The following CD276 variants were observed in gnomAD, a reference collection of about 807,000 sequenced individuals.
CD276 encodes the protein CD276 antigen.
In CD276, 34 loss-of-function variants were observed where a neutral mutation model predicts 50.0. The ratio of observed to expected loss-of-function variants is 0.68; its 90% CI spans 0.52 to 0.91. CD276 has a LOEUF of 0.91. Ranked by LOEUF, CD276 falls within the 40% of genes least tolerant of loss-of-function variation. The pLI, the probability that CD276 is intolerant of heterozygous loss-of-function variation, is 0.00. For missense variants in CD276, 634 were observed against 717.5 expected, an observed-to-expected ratio of 0.88 and a Z score of 1.33; for synonymous variants, 275 against 313.0, an observed-to-expected ratio of 0.88 and a Z score of 1.28.
chr15:73,711,111 G>C, intron 8 of CD276, 24 bp from the exon 9 acceptor site: 1 of 1,613,692 alleles, frequency 6.2e-7, no homozygotes, highest in Non-Finnish European at 8.5e-7. Context: ...CTCCCTCACC[G>C]TGTGCGCCTT....
intron 1 of CD276, chr15:73,686,310 A>G (rs1475680417): frequency 1.0e-6 from 1 of 984,920 alleles, no homozygotes; most frequent in East Asian, 1.1e-4. Context: ...AGAGGTAAGG[A>G]GCCTGTGTTA....
At chr15:73,696,178 G>C (rs1306942981) in intron 1 of CD276, among the ~76,000 whole-genome samples, 2 of 152,218 alleles carry the variant, frequency 1.3e-5, no homozygotes, top group Admixed American at 6.5e-5. Context: ...AGGACGAGGA[G>C]TGGGCACTGG....
chr15:73,698,916 T>G (rs1900271688), intron 1 of CD276, among the ~76,000 whole-genome samples: 1 of 152,210 alleles, frequency 6.6e-6, no homozygotes, highest in South Asian at 2.1e-4. Context: ...CAGTCTATGC[T>G]GAGGAGCTAG....
chr15:73,713,286 C>A lies in CD276; in HGVS notation c.*330C>A. The stretch of plus-strand genomic sequence containing the variant: ...CTGACCACATCACCACCCTCTTCTT[C>A]CAGTGCTGCGTGGACCATCTGGCTG... On this transcript the variant is annotated 3_prime_UTR_variant, in exon 10 of 10. Transcript: ENST00000318443. The A allele has an allele frequency of 2.9e-6, 1 of 347,714 alleles. No homozygotes were observed. Among genetic ancestry groups the A allele is most frequent in the African/African-American group, 2.2e-5 (1 of 46,254 alleles). The allele number at this position is 347,714 out of a possible 1,614,324, so 21.5% of individuals were successfully genotyped here.
rs1176817985 is a variant in CD276 at position 73,711,236 on chromosome 15, G to T, written c.1582+66G>T. 2.6e-6 allele frequency: 4 copies of T among 1,557,164 alleles called. No homozygotes were observed. In the South Asian group the frequency reaches 4.4e-5, roughly 17 times the overall value. On this transcript the variant is annotated intron_variant, in intron 9 of 9. Transcript: ENST00000318443. The stretch of plus-strand genomic sequence containing the variant: ...ACATCTGTGTGTGAGAGGCTGAGAG[G>T]GTGGGTAGGCATCATCCTTTCACTA...
chr15:73,701,075 T>A (rs1423762585), intron 2 of CD276, among the ~76,000 whole-genome samples: 1 of 151,178 alleles, frequency 6.6e-6, no homozygotes, highest in Non-Finnish European at 1.5e-5. Context: ...GGCTATTTTT[T>A]AGTAGAGGTG....
intron 6 of CD276, among the ~76,000 whole-genome samples, chr15:73,705,796 G>C (rs1352749907): frequency 6.6e-6 from 1 of 152,086 alleles, no homozygotes; most frequent in Non-Finnish European, 1.5e-5. Context: ...GAAGGATAAG[G>C]GGTCTTTGTG....
At chr15:73,696,258 C>A (rs960567876) in intron 1 of CD276, among the ~76,000 whole-genome samples, 3 of 151,964 alleles carry the variant, frequency 2.0e-5, no homozygotes, top group African/African-American at 7.2e-5. Flanking sequence ...TGAGATTCCC[C>A]TTTGTGGAAA....
intron 1 of CD276, among the ~76,000 whole-genome samples, chr15:73,689,452 A>G (rs1452909036): frequency 6.6e-6 from 1 of 152,040 alleles, no homozygotes; most frequent in Admixed American, 6.6e-5. Flanking sequence ...AAAAGGCCCA[A>G]ACTGACTCAG....
chr15:73,711,416 T>A, intron 9 of CD276: 1 of 522,812 alleles, frequency 1.9e-6, no homozygotes, highest in Non-Finnish European at 3.5e-6. Flanking sequence ...CCTGTGATAG[T>A]GTGAGCATAG....
intron 1 of CD276, among the ~76,000 whole-genome samples, chr15:73,694,370 A>T (rs1348526385): frequency 6.6e-6 from 1 of 152,058 alleles, no homozygotes; most frequent in Non-Finnish European, 1.5e-5. Flanking sequence ...CCTATTTTAG[A>T]TGTGGTTTCC....
Position 73,704,426 on chromosome 15 carries a change from C to T in CD276, c.1323C>T (p.Arg441=), listed in dbSNP as rs1900566681. The change falls in exon 6 of 10, where the codon CGC becomes CGT. Residue 441 remains arginine, a synonymous_variant. Coordinates refer to ENST00000318443, the MANE Select transcript of CD276 (RefSeq NM_001024736.2). The surrounding 1 kb of genome is among the most constrained non-coding windows in gnomAD (Gnocchi z 4.1). ...GANGTYSCLV[R]NPVLQQDAHG... ...ATGGCACCTACAGCTGCCTGGTGCG[C>T]AACCCCGTGCTGCAGCAGGATGCGC... 6.2e-7 allele frequency: 1 copy of T among 1,613,976 alleles called. No homozygotes were observed. The highest frequency in any genetic ancestry group is 8.5e-7 in the Non-Finnish European group (1 of 1,180,024).
chr15:73,709,745 G>A, intron 8 of CD276, 56 bp downstream of exon 8: 1 of 1,557,236 alleles, frequency 6.4e-7, no homozygotes. Context: ...TATGGGAAAG[G>A]AGAGAGGACT....
At position 73,694,043 on chromosome 15, in the gene CD276, C is replaced by T. The variant is rs1042655979; in HGVS notation, c.-54-5543C>T. ...GTCACCACCACTGCACGAATGACTG[C>T]CATGTCCCTCTGTTCTGAGCTGCAG... is the stretch of plus-strand genomic sequence containing the variant. On this transcript the variant is annotated intron_variant, in intron 1 of 9. Transcript: ENST00000318443. 2.2e-4 allele frequency among the ~76,000 whole-genome samples: 34 copies of T among 152,320 alleles called. No homozygotes were observed. In the South Asian group the frequency reaches 3.7e-3, roughly 17 times the overall value.
chr15:73,686,954 A>T (rs529329478), intron 1 of CD276, among the ~76,000 whole-genome samples: 27 of 152,168 alleles, frequency 1.8e-4, no homozygotes, highest in African/African-American at 6.0e-4. Flanking sequence ...GCGACTTCTC[A>T]TTGTCCTTTT....
chr15:73,708,384 G>A lies in CD276; in HGVS notation c.1415G>A (p.Gly472Glu). Reference sequence around the variant, plus strand: ...CCAGAGGCCCTGTGGGTGACCGTGGGGCTGTCTGTCTGTCTCATTGCACTG... The same window carrying A: ...CCAGAGGCCCTGTGGGTGACCGTGGAGCTGTCTGTCTGTCTCATTGCACTG... ...FPPEALWVTV[G>E]LSVCLIALLV... The change falls in exon 7 of 10, where the codon GGG (glycine) becomes GAG (glutamate). Residue 472 changes from glycine to glutamate, a missense_variant. Transcript: ENST00000318443. The A allele has an allele frequency of 6.2e-7, 1 of 1,614,192 alleles. No homozygotes were observed. The highest frequency in any genetic ancestry group is 1.1e-5 in the South Asian group (1 of 91,082).
At chr15:73,702,715 T>C in intron 3 of CD276, 57 bp from the exon 4 acceptor site, 2 of 1,578,238 alleles carry the variant, frequency 1.3e-6, no homozygotes, top group Non-Finnish European at 8.6e-7. Context: ...GCCCCATGCA[T>C]CCTTTTCGTC....
Position 73,704,412 on chromosome 15 carries a change from A to G in CD276, c.1309A>G (p.Ser437Gly). 6.2e-7 allele frequency: 1 copy of G among 1,614,056 alleles called. No individual in the cohort carries two copies. Among genetic ancestry groups the G allele is most frequent in the East Asian group, 2.2e-5 (1 of 44,882 alleles). The change falls in exon 6 of 10, where the codon AGC becomes GGC. Residue 437 changes from serine (S) to glycine (G), a missense_variant. Coordinates refer to ENST00000318443, the MANE Select transcript of CD276 (RefSeq NM_001024736.2). This position sits in a 1 kb window ranked among gnomAD's most constrained non-coding sequence, Gnocchi z 4.1. ...RVVLGANGTY[S>G]CLVRNPVLQQ... ...GGTGCTGGGTGCGAATGGCACCTAC[A>G]GCTGCCTGGTGCGCAACCCCGTGCT... is the stretch of plus-strand genomic sequence containing the variant.
At chr15:73,702,187 G>C in intron 2 of CD276, 68 bp from the exon 3 acceptor site, 1 of 1,283,022 alleles carries the variant, frequency 7.8e-7, no homozygotes, top group Non-Finnish European at 1.1e-6. Flanking sequence ...CAGGGGCAGG[G>C]AGCGGGACTA....
Sources: gnomAD v4.1 joint callset for allele counts (sites outside exome capture counted in the v4.1 genomes callset) on GRCh38, gnomAD v4.1.1 for gene constraint, Gnocchi (gnomAD v3.1) non-coding constraint, MANE v1.5 for transcripts, NCBI Gene and HGNC (gene_info 2026-07-23, HGNC 2026-07-21) for gene names.